Variants in RTL9 observed in about 807,000 individuals in gnomAD.
RTL9 encodes the protein retrotransposon Gag-like protein 9.
A neutral mutation model predicts 44.7 loss-of-function variants in RTL9; 19 were observed. That is an observed-to-expected ratio of 0.42 (90% CI 0.30 to 0.62). The LOEUF (loss-of-function observed/expected upper bound fraction) is 0.62, where lower values mean the gene tolerates loss of function less well. Ranked by LOEUF, RTL9 falls within the 20% of genes least tolerant of loss-of-function variation. The probability of loss-of-function intolerance (pLI) is 0.16; values close to 1 mark genes in which losing one functional copy is unlikely to be tolerated. For synonymous variants in RTL9, 407 were observed against 398.9 expected (o/e 1.02, Z -0.24); for missense variants, 1,105 against 1,080.6 (o/e 1.02, Z -0.32).
chrX:110,387,784 A>G (rs2068466038), intron 1 of RTL9, among the ~76,000 whole-genome samples: 1 of 109,005 alleles, frequency 9.2e-6, no homozygotes, highest in Admixed American at 9.8e-5. Flanking sequence ...GTTTAGTAGC[A>G]TTCTTCTGGC....
exon 2 of RTL9, chrX:110,455,489 C>A: frequency 1.9e-6 from 1 of 528,895 alleles, no homozygotes; most frequent in Non-Finnish European, 3.0e-6. Flanking sequence ...TTGACCTTCT[C>A]TTTCACCCAC....
intron 1 of RTL9, among the ~76,000 whole-genome samples, chrX:110,401,427 C>A (rs1224842868): frequency 2.7e-5 from 3 of 111,781 alleles, no homozygotes; most frequent in Non-Finnish European, 3.8e-5. Flanking sequence ...TCCTCTAAGA[C>A]CTTGACCTCT....
chrX:110,426,154 G>A lies in RTL9; in HGVS notation c.-168+7019G>A, dbSNP rs780013969. On this transcript the variant is annotated intron_variant, in intron 1 of 3. Coordinates refer to the RTL9 transcript ENST00000465301. ...GATGCTATTAAATTTAACCTAAAGCGGGGGTTTTGCACCGGTGAGCAAAGT... is the reference window on the plus strand; with the variant it reads ...GATGCTATTAAATTTAACCTAAAGCAGGGGTTTTGCACCGGTGAGCAAAGT... Among the ~76,000 whole-genome samples, 4 of 112,209 alleles carry A rather than the reference G, an allele frequency of 3.6e-5. No individual in the cohort carries two copies. The South Asian group carries it at 1.1e-3, about 31-fold the overall frequency.
chrX:110,451,342 T>G, exon 1 of RTL9: 1 of 1,211,947 alleles, frequency 8.3e-7, no homozygotes, highest in Non-Finnish European at 1.1e-6. Context: ...ACCGAAGCAA[T>G]GTCCAAAGTG....
chrX:110,415,197 T>C (rs756628254), upstream of RTL9, among the ~76,000 whole-genome samples: 71 of 112,263 alleles, frequency 6.3e-4, no homozygotes, highest in Non-Finnish European at 1.1e-3. Flanking sequence ...CTATGTTTGT[T>C]GAATGACTGA....
upstream of RTL9, among the ~76,000 whole-genome samples, chrX:110,448,597 T>C (rs1382162570): frequency 1.0e-5 from 1 of 96,296 alleles, no homozygotes; most frequent in African/African-American, 3.9e-5. Context: ...CAGAGGCAAA[T>C]GTCAGAGCCT....
At chrX:110,400,664 G>A (rs1051577028) in intron 1 of RTL9, among the ~76,000 whole-genome samples, 2 of 111,230 alleles carry the variant, frequency 1.8e-5, no homozygotes, top group African/African-American at 3.3e-5. Flanking sequence ...TGCTTGTCTC[G>A]CAAATATTTT....
At chrX:110,448,509 C>T (rs1036114340), upstream of RTL9, among the ~76,000 whole-genome samples, 8 of 108,406 alleles carry the variant, frequency 7.4e-5, no homozygotes, top group East Asian at 1.4e-3. Flanking sequence ...CTGTTGGGGG[C>T]GACAGGGAAG....
intron 1 of RTL9, among the ~76,000 whole-genome samples, chrX:110,436,837 G>T (rs763939352): frequency 1.8e-5 from 2 of 112,157 alleles, no homozygotes; most frequent in South Asian, 7.5e-4. Context: ...CTGAGGAGCT[G>T]AGAGTCACAG....
chrX:110,389,206 T>C (rs1008403037), intron 1 of RTL9, among the ~76,000 whole-genome samples: 10 of 112,865 alleles, frequency 8.9e-5, no homozygotes, highest in Non-Finnish European at 1.7e-4. Context: ...CAAGGAAATA[T>C]AGAATATGCA....
intron 1 of RTL9, among the ~76,000 whole-genome samples, chrX:110,397,290 A>G (rs779652114): frequency 8.1e-5 from 9 of 111,582 alleles, no homozygotes; most frequent in African/African-American, 2.3e-4. Context: ...TTGTATTCCA[A>G]AATACAAACT....
chrX:110,394,030 G>T (rs753534474), intron 1 of RTL9, among the ~76,000 whole-genome samples: 5 of 112,406 alleles, frequency 4.4e-5, no homozygotes, highest in Non-Finnish European at 7.5e-5. Context: ...GGCAGGAGGT[G>T]CTCCTTATGA....
At chrX:110,395,135 C>T (rs2068520258) in intron 1 of RTL9, among the ~76,000 whole-genome samples, 1 of 112,523 alleles carries the variant, frequency 8.9e-6, no homozygotes, top group Non-Finnish European at 1.9e-5. Context: ...GGAAGCCAAA[C>T]CTTTTGGCAA....
exon 1 of RTL9, chrX:110,454,093 G>T: frequency 8.3e-7 from 1 of 1,212,092 alleles, no homozygotes; most frequent in Non-Finnish European, 1.1e-6. Context: ...GAAGCAGCCC[G>T]GGGCTCATGC....
intron 1 of RTL9, among the ~76,000 whole-genome samples, chrX:110,396,377 CAT>C (rs1350392093): frequency 2.3e-4 from 26 of 111,860 alleles, no homozygotes; most frequent in Admixed American, 1.7e-3. Flanking sequence ...CTTTACCCCA[CAT>C]GTTTCATTAT....
intron 1 of RTL9, among the ~76,000 whole-genome samples, chrX:110,431,719 A>G (rs964176455): frequency 8.9e-6 from 1 of 111,874 alleles, no homozygotes; most frequent in African/African-American, 3.3e-5. Context: ...GGGCGCATAC[A>G]GCAGGCCCTT....
chrX:110,451,012 C>T, exon 1 of RTL9: 2 of 1,212,097 alleles, frequency 1.7e-6, no homozygotes, highest in Non-Finnish European at 1.1e-6. Flanking sequence ...TTGCTGTCCA[C>T]TTCAGAGTAT....
chrX:110,424,928 C>T (rs891691709), intron 1 of RTL9, among the ~76,000 whole-genome samples: 15 of 111,482 alleles, frequency 1.3e-4, no homozygotes, highest in African/African-American at 4.9e-4. Flanking sequence ...AGGCAGTATG[C>T]TAGGTGGTTT....
chrX:110,369,366 A>G lies in RTL9; in HGVS notation c.-168+10450A>G, dbSNP rs200993809. Among the ~76,000 whole-genome samples the G allele has an allele frequency of 6.3e-5, 7 of 111,331 alleles. No homozygotes were observed. The East Asian group carries it at 1.7e-3, about 27-fold the overall frequency. Reference sequence around the variant, plus strand: ...AAAAAAGAAAAAAAGAAAAAGAAAGATTTTTGCCAAGGGTCCTTTTCTGAT... The same window carrying G: ...AAAAAAGAAAAAAAGAAAAAGAAAGGTTTTTGCCAAGGGTCCTTTTCTGAT... On this transcript the variant is annotated intron_variant, in intron 1 of 2. Coordinates refer to the RTL9 transcript ENST00000520821.
Sources: allele counts gnomAD v4.1 joint callset (sites outside exome capture counted in the v4.1 genomes callset), GRCh38; gene constraint gnomAD v4.1.1; transcripts MANE v1.5; gene names NCBI Gene and HGNC (gene_info 2026-07-23, HGNC 2026-07-21).